Variants in POU6F1 observed in about 807,000 individuals in gnomAD.
POU6F1 encodes POU class 6 homeobox 1.
A neutral mutation model predicts 28.9 loss-of-function variants in POU6F1; 9 were observed. The observed-to-expected ratio is 0.31, with a 90% CI of 0.19 to 0.54. The LOEUF is 0.54. POU6F1 is among the 20% of genes least tolerant of loss of function. POU6F1 has a pLI of 0.94. For synonymous variants in POU6F1, 173 were observed against 171.1 expected (o/e 1.01, Z -0.09); for missense variants, 338 against 426.1 (o/e 0.79, Z 1.82).
rs964667317 is a variant in POU6F1, at chr12:51,217,483, A to T, written c.-48+159T>A. Among the ~76,000 whole-genome samples, 11 of 151,500 alleles carry T rather than the reference A, an allele frequency of 7.3e-5. No individual in the cohort carries two copies. The highest frequency in any genetic ancestry group is 1.2e-4 in the Non-Finnish European group (8 of 67,874). ...CAGCTCCCCGCCGCCCCGGCCCAGC[A>T]TCCCGCCGCCCCGGCCCCGCGGCTT... On this transcript the variant is annotated intron_variant, in intron 1 of 10. Coordinates refer to ENST00000333640, the MANE Select transcript of POU6F1 (RefSeq NM_001330422.2). The surrounding 1 kb of genome is among the most constrained non-coding windows in gnomAD (Gnocchi z 5.3).
intron 1 of POU6F1, among the ~76,000 whole-genome samples, chr12:51,214,649 A>G (rs1345135934): frequency 1.3e-5 from 2 of 152,150 alleles, no homozygotes; most frequent in African/African-American, 2.4e-5. Flanking sequence ...AATAAATAGG[A>G]GAGTAGAGTC....
At position 51,190,449 on chromosome 12, in the gene POU6F1, C is replaced by T. The variant is rs750427568; in HGVS notation, c.1634G>A (p.Arg545His). Residue 545 changes from arginine to histidine, a missense_variant, in exon 11 of 11, where the codon CGC becomes CAC. This residue lies in a region of POU6F1 where 126 missense variants were observed against 176.5 expected (regional missense o/e 0.71). Transcript: ENST00000333640. The surrounding 1 kb of genome is among the most constrained non-coding windows in gnomAD (Gnocchi z 4.5). ...GGGGGTGAAGGAGGTGCGGCGTTTGCGTTTCTTGGAGGGCTCGCCTCCCAC... is the reference window on the plus strand; with the variant it reads ...GGGGGTGAAGGAGGTGCGGCGTTTGTGTTTCTTGGAGGGCTCGCCTCCCAC... ...EFVGGEPSKK[R>H]KRRTSFTPQA... 3.4e-5 allele frequency: 55 copies of T among 1,614,024 alleles called. No homozygotes were observed. Among genetic ancestry groups the T allele is most frequent in the Non-Finnish European group, 5.1e-6 (6 of 1,180,038 alleles).
chr12:51,211,360 T>C (rs562442903), intron 1 of POU6F1, among the ~76,000 whole-genome samples: 1 of 152,300 alleles, frequency 6.6e-6, no homozygotes, highest in South Asian at 2.1e-4. Context: ...TGAGTTGACT[T>C]TGAAAAACGC....
chr12:51,188,127 C>G lies in POU6F1; in HGVS notation c.*2120G>C, dbSNP rs1942147783. On this transcript the variant is annotated 3_prime_UTR_variant, in exon 11 of 11. Transcript: ENST00000333640. The stretch of plus-strand genomic sequence containing the variant: ...ATTTTTAGTAGAGACGGGGTTTCAC[C>G]ATGTTGGTCAGGCTGGTCTCGAACT... The G allele has an allele frequency of 1.3e-5, 2 of 152,204 alleles. No individual in the cohort carries two copies. Among genetic ancestry groups the G allele is most frequent in the African/African-American group, 4.8e-5 (2 of 41,432 alleles). The allele number at this position is 152,204 out of a possible 1,614,324, so 9.4% of individuals were successfully genotyped here.
Position 51,187,086 on chromosome 12 carries a change from C to A in POU6F1, c.*3161G>T, listed in dbSNP as rs1373553301. The A allele has an allele frequency of 6.6e-6, 1 of 152,162 alleles. No homozygotes were observed. Among genetic ancestry groups the A allele is most frequent in the South Asian group, 2.1e-4 (1 of 4,828 alleles). The allele number at this position is 152,162 out of a possible 1,614,324, so 9.4% of individuals were successfully genotyped here. On this transcript the variant is annotated 3_prime_UTR_variant, in exon 11 of 11. Coordinates refer to ENST00000333640, the MANE Select transcript of POU6F1 (RefSeq NM_001330422.2). ...CAGTGCCAGAGCCTGGTCCAAGAGG[C>A]AGGAAGGAAATCTGGGCATGGGAAG...
At chr12:51,195,597 G>C (rs1026880349) in intron 8 of POU6F1, among the ~76,000 whole-genome samples, 1 of 152,146 alleles carries the variant, frequency 6.6e-6, no homozygotes, top group Non-Finnish European at 1.5e-5. Context: ...AGGGATGGAG[G>C]GGTAGAGGAA....
rs1311671777 is a variant in POU6F1, at chr12:51,190,116, G to A, written c.*131C>T. 9 of 1,398,894 alleles carry A rather than the reference G, an allele frequency of 6.4e-6. No individual in the cohort carries two copies. Among genetic ancestry groups the A allele is most frequent in the Non-Finnish European group, 4.7e-6 (5 of 1,055,166 alleles). The allele number at this position is 1,398,894 out of a possible 1,614,324, so 86.7% of individuals were successfully genotyped here. On this transcript the variant is annotated 3_prime_UTR_variant, in exon 11 of 11. Transcript: ENST00000333640. This position sits in a 1 kb window ranked among gnomAD's most constrained non-coding sequence, Gnocchi z 4.5. ...GAGGGACATTGATGCACATGCACAC[G>A]GTGGAGTCTGATGACCTGGGGTGAG... is the stretch of plus-strand genomic sequence containing the variant.
rs1452672274 is a variant in POU6F1, at chr12:51,198,741, G to C, written c.401C>G (p.Thr134Arg). The change falls in exon 5 of 11, where the codon ACA becomes AGA. Residue 134 changes from threonine to arginine, a missense_variant. Thr to Arg is a moderately conservative substitution (Grantham distance 71). Coordinates refer to ENST00000333640, the MANE Select transcript of POU6F1 (RefSeq NM_001330422.2). ...TGCCCCTGCTGGAACCATAACTCCT[G>C]TCAGAACTGTGGCTAAGTTTTCCTG... ...LTQENLATVL[T>R]GVMVPAGAVT... 1 of 399,168 alleles carries C rather than the reference G, an allele frequency of 2.5e-6. No homozygotes were observed. Among genetic ancestry groups the C allele is most frequent in the Non-Finnish European group, 4.4e-6 (1 of 226,106 alleles). 24.7% of individuals were successfully genotyped at this position (399,168 alleles called of 1,614,324 possible).
chr12:51,190,161 A>G lies in POU6F1; in HGVS notation c.*86T>C. The G allele has an allele frequency of 6.6e-7, 1 of 1,526,312 alleles. No homozygotes were observed. The highest frequency in any genetic ancestry group is 8.8e-7 in the Non-Finnish European group (1 of 1,139,710). 94.5% of individuals were successfully genotyped at this position (1,526,312 alleles called of 1,614,324 possible). On this transcript the variant is annotated 3_prime_UTR_variant, in exon 11 of 11. Coordinates refer to ENST00000333640, the MANE Select transcript of POU6F1 (RefSeq NM_001330422.2). The surrounding 1 kb of genome is among the most constrained non-coding windows in gnomAD (Gnocchi z 4.5). ...GGTGAGCACAGCTGCACGTGGCAAA[A>G]TGACAGGTGCTGTCATGGCAGTGGC... is the stretch of plus-strand genomic sequence containing the variant.
At chr12:51,214,761 A>G (rs1403907656) in intron 1 of POU6F1, among the ~76,000 whole-genome samples, 2 of 152,058 alleles carry the variant, frequency 1.3e-5, no homozygotes, top group African/African-American at 4.8e-5. Context: ...AACATGGTGC[A>G]ACCCTATCTC....
chr12:51,215,031 G>A (rs1189802776), intron 1 of POU6F1, among the ~76,000 whole-genome samples: 1 of 152,112 alleles, frequency 6.6e-6, no homozygotes, highest in Non-Finnish European at 1.5e-5. Context: ...TAAGCTCCAG[G>A]AAGGCAGGGA....
At position 51,189,754 on chromosome 12, in the gene POU6F1, G is replaced by A. The variant is rs1218493480; in HGVS notation, c.*493C>T. On this transcript the variant is annotated 3_prime_UTR_variant, in exon 11 of 11. Coordinates refer to ENST00000333640, the MANE Select transcript of POU6F1 (RefSeq NM_001330422.2). ...TTCGGTGCACCTGCAGGCAAAGTGT[G>A]GGGGGCGGAAGGGCAGTGTGAGGCT... The A allele has an allele frequency of 6.1e-6, 1 of 165,272 alleles. No individual in the cohort carries two copies. The highest frequency in any genetic ancestry group is 1.6e-4 in the East Asian group (1 of 6,180). The allele number at this position is 165,272 out of a possible 1,614,324, so 10.2% of individuals were successfully genotyped here.
At chr12:51,197,114 C>A in intron 6 of POU6F1, 187 bp from the exon 7 acceptor site, 1 of 322,042 alleles carries the variant, frequency 3.1e-6, no homozygotes, top group South Asian at 3.8e-5. Flanking sequence ...AGGGGTCTAC[C>A]TGCTGGATGG....
intron 9 of POU6F1, 70 bp from the exon 10 acceptor site, chr12:51,191,834 G>T: frequency 2.5e-6 from 4 of 1,575,076 alleles, no homozygotes; most frequent in Non-Finnish European, 3.5e-6. Flanking sequence ...TGGCTCATTG[G>T]TCTGAACTGA....
chr12:51,195,958 C>CCCCCCCCCG lies in POU6F1; in HGVS notation c.1179+11_1179+12insCGGGGGGGG. ...AGCCTGCCCCACCCCCCACCCCCCCCAGCCCCTGTACCTCACTCTTAGCAG... is the reference window on the plus strand; with the variant it reads ...AGCCTGCCCCACCCCCCACCCCCCCCCCCCCCCCGAGCCCCTGTACCTCACTCTTAGCAG... On this transcript the variant is annotated intron_variant, in intron 8 of 10. Transcript: ENST00000333640. 1 of 1,521,986 alleles carries CCCCCCCCCG rather than the reference C, an allele frequency of 6.6e-7. No individual in the cohort carries two copies. The highest frequency in any genetic ancestry group is 8.9e-7 in the Non-Finnish European group (1 of 1,125,056). The allele number at this position is 1,521,986 out of a possible 1,614,324, so 94.3% of individuals were successfully genotyped here.
In POU6F1 at chr12:51,192,900, G is replaced by A. The variant is rs139803827; in HGVS notation, c.1180-429C>T. 9.6e-3 allele frequency among the ~76,000 whole-genome samples: 1,419 copies of A among 147,226 alleles called. 27 individuals carry two copies. Among genetic ancestry groups the A allele is most frequent in the African/African-American group, 0.034 (1,336 of 39,280 alleles). On this transcript the variant is annotated intron_variant, in intron 8 of 10. Transcript: ENST00000333640. ...AGACTGGGCGACAGAGTGAGACTCC[G>A]TCTCAAAAAAAAAAAAAAGCAAGAC...
chr12:51,197,227 G>A (rs1454316013), intron 6 of POU6F1, among the ~76,000 whole-genome samples: 2 of 151,224 alleles, frequency 1.3e-5, no homozygotes, highest in African/African-American at 2.4e-5. Flanking sequence ...ATGGTTTCCA[G>A]GGCTAGGGGT....
intron 3 of POU6F1, chr12:51,201,740 A>G (rs1943222058): frequency 6.6e-6 from 1 of 152,208 alleles, no homozygotes; most frequent in African/African-American, 2.4e-5. Context: ...ATGGAGTCCA[A>G]GGTTTTACAT....
At position 51,190,793 on chromosome 12, in the gene POU6F1, C is replaced by T. The variant is rs1942353725; in HGVS notation, c.1491-201G>A. On this transcript the variant is annotated intron_variant, in intron 10 of 10. Coordinates refer to ENST00000333640, the MANE Select transcript of POU6F1 (RefSeq NM_001330422.2). The surrounding 1 kb of genome is among the most constrained non-coding windows in gnomAD (Gnocchi z 4.5). ...AGACTCCTCAGACCCTCTGATGTGCCCGGTCCTAACAGGGAAACCATTCCC... is the reference window on the plus strand; with the variant it reads ...AGACTCCTCAGACCCTCTGATGTGCTCGGTCCTAACAGGGAAACCATTCCC... Among the ~76,000 whole-genome samples the T allele has an allele frequency of 6.6e-6, 1 of 152,142 alleles. No individual in the cohort carries two copies. The highest frequency in any genetic ancestry group is 2.4e-5 in the African/African-American group (1 of 41,434).
Sources: gnomAD v4.1 joint callset for allele counts (sites outside exome capture counted in the v4.1 genomes callset) on GRCh38, gnomAD v4.1.1 for gene constraint, gnomAD v4.1.1 regional missense constraint, Gnocchi (gnomAD v3.1) non-coding constraint, MANE v1.5 for transcripts, NCBI Gene and HGNC (gene_info 2026-07-23, HGNC 2026-07-21) for gene names.